The following PPM1B variants were observed in gnomAD, a reference collection of about 807,000 sequenced individuals.
PPM1B encodes the protein protein phosphatase 1B.
Under a neutral mutation model 43.0 loss-of-function variants are expected in PPM1B, and 22 were observed. That is an observed-to-expected ratio of 0.51 (90% CI 0.37 to 0.73). PPM1B has a LOEUF of 0.73. PPM1B is among the 30% of genes least tolerant of loss of function. The probability of loss-of-function intolerance (pLI) is 0.00; values close to 1 mark genes in which losing one functional copy is unlikely to be tolerated. For synonymous variants in PPM1B, 217 were observed against 197.9 expected (o/e 1.10, Z -0.81); for missense variants, 632 against 584.2 (o/e 1.08, Z -0.84).
chr2:44,177,452 CTT>C (rs10604277), intron 1 of PPM1B, among the ~76,000 whole-genome samples: 3,934 of 122,596 alleles, frequency 0.032, 186 homozygotes, highest in African/African-American at 0.11. Flanking sequence ...GAGTTTTGCT[CTT>C]GTTGCCCAGG....
intron 1 of PPM1B, among the ~76,000 whole-genome samples, chr2:44,172,409 A>G (rs1667390278): frequency 6.6e-6 from 1 of 152,198 alleles, no homozygotes; most frequent in African/African-American, 2.4e-5. Flanking sequence ...TGTAGTTTGT[A>G]GTTGGCTGTC....
chr2:44,232,240 G>C, downstream of PPM1B: 1 of 1,552,214 alleles, frequency 6.4e-7, no homozygotes, highest in Admixed American at 2.1e-5. Context: ...CATCAATTTT[G>C]TTTTCTTTTG....
intron 5 of PPM1B, among the ~76,000 whole-genome samples, chr2:44,223,331 G>A (rs1670058709): frequency 6.6e-6 from 1 of 152,062 alleles, no homozygotes; most frequent in Admixed American, 6.6e-5. Context: ...AAGAATCTCT[G>A]TATTGTTTTC....
intron 1 of PPM1B, among the ~76,000 whole-genome samples, chr2:44,184,905 G>A (rs1490520747): frequency 6.7e-6 from 1 of 149,242 alleles, no homozygotes; most frequent in African/African-American, 2.5e-5. Flanking sequence ...TATAGTTGTT[G>A]CAGGTATCTT....
intron 1 of PPM1B, among the ~76,000 whole-genome samples, chr2:44,190,837 C>T (rs1170666804): frequency 6.6e-6 from 1 of 152,020 alleles, no homozygotes; most frequent in Non-Finnish European, 1.5e-5. Flanking sequence ...TATTTAATGA[C>T]CATTTAATAA....
At position 44,230,413 on chromosome 2, in the gene PPM1B, G is replaced by A. The variant is rs1670416839; in HGVS notation, c.1135G>A (p.Ala379Thr). 1.2e-6 allele frequency: 2 copies of A among 1,612,644 alleles called. No individual in the cohort carries two copies. Among genetic ancestry groups the A allele is most frequent in the African/African-American group, 1.3e-5 (1 of 74,768 alleles). ...CTGGGGTCTTGAATCTTAAAAAAAG[G>A]CCTCCGATGAAGCAGAGGAAAGTGG... ...RLNPHRESDG[A>T]SDEAEESGSQ... Residue 379 changes from alanine to threonine, a missense_variant and splice_region_variant, in exon 6 of 6, where the codon GCC becomes ACC. By Grantham distance (58) the Ala-to-Thr change is moderately conservative (BLOSUM62 0). Transcript: ENST00000282412.
intron 3 of PPM1B, among the ~76,000 whole-genome samples, chr2:44,212,195 CTTG>C (rs1385266811): frequency 4.6e-5 from 7 of 152,190 alleles, no homozygotes; most frequent in Admixed American, 1.3e-4. Flanking sequence ...CCTCTTAAAA[CTTG>C]TTGTAGCGTC....
Position 44,201,223 on chromosome 2 carries a change from C to G in PPM1B, c.24C>G (p.Pro8=). The G allele has an allele frequency of 1.3e-6, 2 of 1,593,766 alleles. No individual in the cohort carries two copies. The highest frequency in any genetic ancestry group is 1.7e-4 in the Middle Eastern group (1 of 5,956). MGAFLDK[P]KTEKHNAHGA... is the part of the protein sequence containing the mutation. ...ACATGGGTGCATTTTTGGATAAACC[C>G]AAAACTGAAAAACATAATGCTCATG... The change falls in exon 2 of 6, where the codon CCC becomes CCG. Residue 8 remains proline, a synonymous_variant. Coordinates refer to ENST00000282412, the MANE Select transcript of PPM1B (RefSeq NM_002706.6). The surrounding 1 kb of genome is among the most constrained non-coding windows in gnomAD (Gnocchi z 5.4).
chr2:44,179,693 A>G lies in PPM1B; in HGVS notation c.-15+10419A>G, dbSNP rs114312465. Among the ~76,000 whole-genome samples the G allele has an allele frequency of 3.8e-3, 582 of 152,342 alleles. 3 individuals carry two copies. The highest frequency in any genetic ancestry group is 0.013 in the African/African-American group (556 of 41,582). ...ATTAGATTTAGATGTTAGTGTGTCTATAAAATGATGGTGCTAATTAAAGAC... is the reference window on the plus strand; with the variant it reads ...ATTAGATTTAGATGTTAGTGTGTCTGTAAAATGATGGTGCTAATTAAAGAC... On this transcript the variant is annotated intron_variant, in intron 1 of 5. Coordinates refer to ENST00000282412, the MANE Select transcript of PPM1B (RefSeq NM_002706.6).
chr2:44,242,493 A>G (rs1008804703), intron 5 of PPM1B, among the ~76,000 whole-genome samples: 4 of 152,178 alleles, frequency 2.6e-5, no homozygotes, highest in Admixed American at 2.6e-4. Context: ...ATTTTTCATA[A>G]AATCTTGAGT....
intron 1 of PPM1B, among the ~76,000 whole-genome samples, chr2:44,190,159 T>A (rs1330357116): frequency 6.7e-6 from 1 of 149,136 alleles, no homozygotes; most frequent in East Asian, 1.9e-4. Flanking sequence ...TATTTGATTT[T>A]TTTTTTTTTT....
intron 5 of PPM1B, among the ~76,000 whole-genome samples, chr2:44,229,834 A>T (rs1227200423): frequency 6.6e-6 from 1 of 152,222 alleles, no homozygotes; most frequent in African/African-American, 2.4e-5. Context: ...GTAGTTTATT[A>T]TTCATACTGA....
intron 2 of PPM1B, among the ~76,000 whole-genome samples, chr2:44,207,166 A>C (rs1323799112): frequency 6.6e-6 from 1 of 152,150 alleles, no homozygotes; most frequent in Non-Finnish European, 1.5e-5. Flanking sequence ...CTGCCTTCAA[A>C]CTTTACTCCC....
At chr2:44,170,944 TTG>T (rs753337422) in intron 1 of PPM1B, among the ~76,000 whole-genome samples, 4 of 152,218 alleles carry the variant, frequency 2.6e-5, no homozygotes, top group Non-Finnish European at 5.9e-5. Flanking sequence ...AATGCCTTCT[TTG>T]TCTTTTTTTT....
chr2:44,244,447 C>T, downstream of PPM1B: 1 of 1,051,884 alleles, frequency 9.5e-7, no homozygotes, highest in South Asian at 2.1e-5. Context: ...GAAGGACTGT[C>T]ACTGTGCCCT....
Position 44,231,022 on chromosome 2 carries a change from T to C in PPM1B, c.*304T>C. The C allele has an allele frequency of 1.0e-6, 1 of 964,842 alleles. No homozygotes were observed. The highest frequency in any genetic ancestry group is 1.3e-6 in the Non-Finnish European group (1 of 795,244). 59.8% of individuals were successfully genotyped at this position (964,842 alleles called of 1,614,324 possible). A position where few individuals can be genotyped will look rare whatever the true frequency, so the allele number is the denominator to read the frequency against. Reference sequence around the variant, plus strand: ...TAATACTAGATAGAATTAGAAATTTTGATTAGAGAGATTATGCTATATTAT... The same window carrying C: ...TAATACTAGATAGAATTAGAAATTTCGATTAGAGAGATTATGCTATATTAT... On this transcript the variant is annotated 3_prime_UTR_variant, in exon 6 of 6. Coordinates refer to ENST00000282412, the MANE Select transcript of PPM1B (RefSeq NM_002706.6).
Position 44,187,289 on chromosome 2 carries a change from A to T in PPM1B, c.-14-13897A>T, listed in dbSNP as rs191297330. ...ATAATTCATTCTGTGTATATACTAC[A>T]TTTTGTTTATCCATTCGTTTGTCAT... On this transcript the variant is annotated intron_variant, in intron 1 of 5. Transcript: ENST00000282412. Among the ~76,000 whole-genome samples the T allele has an allele frequency of 1.3e-3, 202 of 152,186 alleles. 4 individuals carry two copies. The South Asian group carries it at 0.019, about 15-fold the overall frequency.
chr2:44,238,430 A>C (rs1670676038), downstream of PPM1B, among the ~76,000 whole-genome samples: 1 of 152,140 alleles, frequency 6.6e-6, no homozygotes, highest in Non-Finnish European at 1.5e-5. Flanking sequence ...TGCTGGGCAC[A>C]GTGCCTCACG....
At chr2:44,218,653 A>G in intron 5 of PPM1B, 116 bp downstream of exon 5, 1 of 685,892 alleles carries the variant, frequency 1.5e-6, no homozygotes. Flanking sequence ...GTAAATTACT[A>G]CTGCTTTTCA....
Sources: allele counts gnomAD v4.1 joint callset (sites outside exome capture counted in the v4.1 genomes callset), GRCh38; gene constraint gnomAD v4.1.1; non-coding constraint Gnocchi (gnomAD v3.1); transcripts MANE v1.5; gene names NCBI Gene and HGNC (gene_info 2026-07-23, HGNC 2026-07-21).